Variants in NTNG1 observed in about 807,000 individuals in gnomAD.
NTNG1 encodes the protein netrin G1.
Under a neutral mutation model 54.0 loss-of-function variants are expected in NTNG1, and 16 were observed. That is an observed-to-expected ratio of 0.30 (90% confidence interval 0.20 to 0.45). The LOEUF (loss-of-function observed/expected upper bound fraction) is 0.45, where lower values mean the gene tolerates loss of function less well. Ranked by LOEUF, NTNG1 falls within the 20% of genes least tolerant of loss-of-function variation. The pLI is 1.00. For missense variants in NTNG1, 530 were observed against 678.7 expected (o/e 0.78, Z 2.43); for synonymous variants, 255 against 263.1 (o/e 0.97, Z 0.30).
At chr1:107,351,015 T>C (rs188346450) in intron 3 of NTNG1, among the ~76,000 whole-genome samples, 273 of 152,384 alleles carry the variant, frequency 1.8e-3, no homozygotes, top group South Asian at 3.3e-3. Context: ...GAGGTAACTA[T>C]GTGAGGTTAT....
At chr1:107,460,414 T>C (rs1375024632) in intron 7 of NTNG1, 1 of 518,812 alleles carries the variant, frequency 1.9e-6, no homozygotes, top group Admixed American at 1.9e-5. Context: ...GCAGGACAGA[T>C]TTTACACTTT....
intron 2 of NTNG1, among the ~76,000 whole-genome samples, chr1:107,308,768 A>C (rs890636558): frequency 2.6e-5 from 4 of 152,170 alleles, no homozygotes; most frequent in African/African-American, 9.7e-5. Flanking sequence ...AATAATATTG[A>C]ATCTTCCTAT....
intron 2 of NTNG1, among the ~76,000 whole-genome samples, chr1:107,221,169 C>T (rs749622375): frequency 4.1e-4 from 63 of 151,902 alleles, no homozygotes; most frequent in Non-Finnish European, 7.9e-4. Context: ...CCAATATTCA[C>T]CTTTTTTTTT....
intron 7 of NTNG1, among the ~76,000 whole-genome samples, chr1:107,437,925 G>A (rs587536): frequency 0.98 from 148,560 of 152,254 alleles, 72,580 homozygotes; most frequent in East Asian, 1. Context: ...ATTTTTGCTT[G>A]CTTTTCACTT....
intron 2 of NTNG1, among the ~76,000 whole-genome samples, chr1:107,232,372 T>G (rs1367957676): frequency 1.3e-5 from 2 of 152,198 alleles, no homozygotes; most frequent in African/African-American, 2.4e-5. Flanking sequence ...TTTCCCTTCT[T>G]CCATGGAAAC....
chr1:107,379,842 A>AT (rs1671536635), intron 3 of NTNG1, among the ~76,000 whole-genome samples: 1 of 152,254 alleles, frequency 6.6e-6, no homozygotes, highest in African/African-American at 2.4e-5. Flanking sequence ...TGGAATTCAA[A>AT]TTGGAGCATT....
At chr1:107,256,094 A>T (rs1166623189) in intron 2 of NTNG1, among the ~76,000 whole-genome samples, 1 of 152,226 alleles carries the variant, frequency 6.6e-6, no homozygotes, top group Non-Finnish European at 1.5e-5. Context: ...TTATTACATT[A>T]TGGTCACATC....
chr1:107,471,954 C>T (rs186028250), intron 7 of NTNG1, among the ~76,000 whole-genome samples: 1 of 152,086 alleles, frequency 6.6e-6, no homozygotes, highest in African/African-American at 2.4e-5. Context: ...TTTTTTAGAG[C>T]ACCTCCACAT....
chr1:107,299,939 T>C (rs915652899), intron 2 of NTNG1, among the ~76,000 whole-genome samples: 1 of 152,132 alleles, frequency 6.6e-6, no homozygotes, highest in Non-Finnish European at 1.5e-5. Flanking sequence ...ACAGTACATT[T>C]TAAAAGAGAG....
At chr1:107,406,545 C>T (rs148989160) in intron 4 of NTNG1, among the ~76,000 whole-genome samples, 9 of 152,110 alleles carry the variant, frequency 5.9e-5, no homozygotes, top group Admixed American at 4.6e-4. Context: ...CCCAGCAAGG[C>T]GGTATAAAGC....
intron 2 of NTNG1, among the ~76,000 whole-genome samples, chr1:107,303,074 C>T (rs576236847): frequency 1.6e-4 from 24 of 152,252 alleles, no homozygotes; most frequent in African/African-American, 4.8e-4. Flanking sequence ...TAAAAGAAGG[C>T]TAGCAATAAG....
At chr1:107,295,558 TC>T (rs1397467810) in intron 2 of NTNG1, among the ~76,000 whole-genome samples, 1 of 152,152 alleles carries the variant, frequency 6.6e-6, no homozygotes, top group Non-Finnish European at 1.5e-5. Flanking sequence ...GGTCCCCTCT[TC>T]TTTGAATTCG....
At chr1:107,257,205 C>T (rs922553382) in intron 2 of NTNG1, among the ~76,000 whole-genome samples, 1 of 152,130 alleles carries the variant, frequency 6.6e-6, no homozygotes, top group Non-Finnish European at 1.5e-5. Context: ...GTTTAGAAAC[C>T]AGTTTAAATC....
chr1:107,239,410 C>G (rs1661661036), intron 2 of NTNG1, among the ~76,000 whole-genome samples: 1 of 152,164 alleles, frequency 6.6e-6, no homozygotes, highest in Non-Finnish European at 1.5e-5. Flanking sequence ...GTTTAAATAT[C>G]AGATCTGAAG....
At chr1:107,296,839 A>T (rs1223329574) in intron 2 of NTNG1, among the ~76,000 whole-genome samples, 2 of 149,054 alleles carry the variant, frequency 1.3e-5, no homozygotes, top group Non-Finnish European at 3.0e-5. Context: ...ATAACTAAGG[A>T]TGATTATAAA....
At chr1:107,192,965 T>G (rs1658071673) in intron 2 of NTNG1, among the ~76,000 whole-genome samples, 1 of 152,074 alleles carries the variant, frequency 6.6e-6, no homozygotes, top group Admixed American at 6.6e-5. Flanking sequence ...ATGTGTATCA[T>G]AAACAAAGTA....
At chr1:107,361,253 AAT>A (rs202142327) in intron 3 of NTNG1, among the ~76,000 whole-genome samples, 15,838 of 143,046 alleles carry the variant, frequency 0.11, 946 homozygotes, top group South Asian at 0.18. Flanking sequence ...TATTATATAA[AAT>A]ATATGTTATG....
chr1:107,381,774 G>T (rs1393165679), intron 3 of NTNG1, among the ~76,000 whole-genome samples: 4 of 152,190 alleles, frequency 2.6e-5, no homozygotes, highest in Admixed American at 6.5e-5. Context: ...ATTCAGACAG[G>T]CTGGATCATG....
chr1:107,346,774 A>G (rs1191055139), intron 3 of NTNG1, among the ~76,000 whole-genome samples: 2 of 150,858 alleles, frequency 1.3e-5, no homozygotes, highest in Non-Finnish European at 2.9e-5. Context: ...AACAGCCAGG[A>G]CTTTCTTATT....
Sources: allele counts gnomAD v4.1 joint callset (sites outside exome capture counted in the v4.1 genomes callset), GRCh38; gene constraint gnomAD v4.1.1; transcripts MANE v1.5; gene names NCBI Gene and HGNC (gene_info 2026-07-23, HGNC 2026-07-21).